AKAP12: variants seen among roughly 807,000 people sequenced by gnomAD.
AKAP12 encodes A-kinase anchor protein 12.
A neutral mutation model predicts 79.9 loss-of-function variants in AKAP12; 32 were observed. The observed-to-expected ratio is 0.40, with a 90% CI of 0.30 to 0.54. The LOEUF (loss-of-function observed/expected upper bound fraction) is 0.54. Among genes scored for constraint, AKAP12 ranks in the 20% least tolerant of loss-of-function variants. The pLI, the probability that AKAP12 is intolerant of heterozygous loss-of-function variation, is 0.48. For missense variants in AKAP12, 2,074 were observed against 2,177.0 expected (o/e 0.95, Z 0.94); for synonymous variants, 808 against 857.0 (o/e 0.94, Z 1.00).
In AKAP12 at chr6:151,358,099, C is replaced by CCAA. The variant is rs1778487067; in HGVS notation, c.*2388_*2390dup. On this transcript the variant is annotated 3_prime_UTR_variant, in exon 5 of 5. Transcript: ENST00000402676. ...GAACATTATTTTAACAAGAAGAACA[C>CCAA]CAACAGTAGCATGAAATATAATACT... 1 of 152,154 alleles carries CCAA rather than the reference C, an allele frequency of 6.6e-6. No individual in the cohort carries two copies. Among genetic ancestry groups the CCAA allele is most frequent in the Admixed American group, 6.6e-5 (1 of 15,260 alleles). The allele number at this position is 152,154 out of a possible 1,614,324, so 9.4% of individuals were successfully genotyped here. A position where few individuals can be genotyped will look rare whatever the true frequency, so the allele number is the denominator to read the frequency against.
intron 2 of AKAP12, among the ~76,000 whole-genome samples, chr6:151,247,844 G>A (rs1043271953): frequency 6.6e-6 from 1 of 152,166 alleles, no homozygotes; most frequent in African/African-American, 2.4e-5. Context: ...TCAAAGCACA[G>A]GAAACCATCT....
intron 2 of AKAP12, among the ~76,000 whole-genome samples, chr6:151,287,285 G>A (rs1294920762): frequency 1.4e-5 from 2 of 145,936 alleles, no homozygotes; most frequent in East Asian, 2.1e-4. Flanking sequence ...TCTGAGACGG[G>A]GTGTTGCTCT....
intron 2 of AKAP12, among the ~76,000 whole-genome samples, chr6:151,245,655 T>TAAAAA (rs1244983886): frequency 2.7e-5 from 1 of 36,940 alleles, no homozygotes; most frequent in Non-Finnish European, 6.5e-5. Context: ...AGACTCCGTC[T>TAAAAA]CAAAAAAAAA....
intron 2 of AKAP12, among the ~76,000 whole-genome samples, chr6:151,284,328 A>G (rs1776460245): frequency 6.6e-6 from 1 of 152,160 alleles, no homozygotes; most frequent in South Asian, 2.1e-4. Context: ...CTGACATGAG[A>G]TAAATAAGAA....
At chr6:151,343,191 G>A (rs1378776262) in intron 3 of AKAP12, among the ~76,000 whole-genome samples, 1 of 152,134 alleles carries the variant, frequency 6.6e-6, no homozygotes, top group Non-Finnish European at 1.5e-5. Flanking sequence ...AGATTTAAGA[G>A]TGGAGGGAAA....
At position 151,267,990 on chromosome 6, in the gene AKAP12, T is replaced by C. The variant is rs138480433; in HGVS notation, c.162+27266T>C. Among the ~76,000 whole-genome samples, 423 of 152,310 alleles carry C rather than the reference T, an allele frequency of 2.8e-3. 5 individuals are homozygous for C. Among genetic ancestry groups the C allele is most frequent in the African/African-American group, 9.6e-3 (400 of 41,576 alleles). On this transcript the variant is annotated intron_variant, in intron 2 of 4. Transcript: ENST00000402676. ...CCCTCTTCAGTTGCCCTGACTCCTA[T>C]GCATGCTCCTTGAGTGTCACCTTCC... is the stretch of plus-strand genomic sequence containing the variant.
intron 2 of AKAP12, among the ~76,000 whole-genome samples, chr6:151,261,509 C>T (rs566539488): frequency 6.6e-6 from 1 of 151,742 alleles, no homozygotes; most frequent in African/African-American, 2.4e-5. Context: ...AAAAATACAA[C>T]CCGTCTCTAA....
At chr6:151,271,271 A>C (rs1408876999) in intron 2 of AKAP12, among the ~76,000 whole-genome samples, 1 of 151,896 alleles carries the variant, frequency 6.6e-6, no homozygotes. Flanking sequence ...TCTCCTGGGA[A>C]TATATCCCTA....
intron 3 of AKAP12, among the ~76,000 whole-genome samples, chr6:151,343,667 C>T (rs1778006590): frequency 6.6e-6 from 1 of 152,012 alleles, no homozygotes; most frequent in African/African-American, 2.4e-5. Context: ...ACCTGTAATC[C>T]CAGCTACTTG....
At chr6:151,243,156 C>T (rs1472126437) in intron 2 of AKAP12, among the ~76,000 whole-genome samples, 2 of 152,158 alleles carry the variant, frequency 1.3e-5, no homozygotes, top group South Asian at 2.1e-4. Context: ...CTTAAATAGA[C>T]AAATATATGA....
intron 2 of AKAP12, among the ~76,000 whole-genome samples, chr6:151,267,676 T>C (rs1027881189): frequency 1.1e-4 from 16 of 152,244 alleles, no homozygotes; most frequent in Non-Finnish European, 2.1e-4. Flanking sequence ...TCTATAGTTA[T>C]TATTTACCAT....
chr6:151,259,629 A>G (rs773147469), intron 2 of AKAP12, among the ~76,000 whole-genome samples: 2 of 133,852 alleles, frequency 1.5e-5, no homozygotes, highest in Non-Finnish European at 1.5e-5. Flanking sequence ...CCCAGGCTGG[A>G]GTGCAGTGGC....
Position 151,349,676 on chromosome 6 carries a change from G to A in AKAP12, c.1285G>A (p.Glu429Lys), listed in dbSNP as rs781320285. ...CGTCAGCACCGTGGAGGAGAGAACC[G>A]AAGAGCAGAAAACGGAGGTGGAAGA... ...VHVSTVEERT[E>K]EQKTEVEETA... is the part of the protein sequence containing the mutation. The change falls in exon 4 of 5, where the codon GAA becomes AAA. Residue 429 changes from glutamate (E) to lysine (K), a missense_variant. Transcript: ENST00000402676. The A allele has an allele frequency of 1.1e-5, 18 of 1,613,998 alleles. No individual in the cohort carries two copies. The highest frequency in any genetic ancestry group is 1.7e-5 in the Admixed American group (1 of 59,992).
chr6:151,255,347 A>G (rs570740909), intron 2 of AKAP12, among the ~76,000 whole-genome samples: 164 of 152,078 alleles, frequency 1.1e-3, no homozygotes, highest in African/African-American at 3.9e-3. Flanking sequence ...TATTTTTAGT[A>G]GAGACGAGGC....
At chr6:151,324,666 G>A in intron 3 of AKAP12, 3 of 984,346 alleles carry the variant, frequency 3.0e-6, no homozygotes, top group Non-Finnish European at 3.6e-6. Flanking sequence ...AATGGGTCAG[G>A]CAGGCAAGGC....
rs745635711 is a variant in AKAP12 at position 151,349,617 on chromosome 6, A to G, written c.1226A>G (p.Glu409Gly). The G allele has an allele frequency of 3.7e-6, 6 of 1,610,954 alleles. No homozygotes were observed. The African/African-American group carries it at 6.7e-5, about 18-fold the overall frequency. The change falls in exon 4 of 5, where the codon GAA (glutamate) becomes GGA (glycine). Residue 409 changes from glutamate to glycine, a missense_variant. By Grantham distance (98) the Glu-to-Gly change is moderately conservative (BLOSUM62 -2). This residue lies in a region of AKAP12 where 1,428 missense variants were observed against 1,451.0 expected (regional missense o/e 0.98). Transcript: ENST00000402676. Reference sequence around the variant, plus strand: ...ACAGAAGTGTTTGATGAGAAAATAGAAGTCCACCAAGAAGAGGTTGTGGCC... The same window carrying G: ...ACAGAAGTGTTTGATGAGAAAATAGGAGTCCACCAAGAAGAGGTTGTGGCC... ...LATEVFDEKI[E>G]VHQEEVVAEV...
At chr6:151,311,661 CA>C (rs1777106833) in intron 3 of AKAP12, among the ~76,000 whole-genome samples, 1 of 152,156 alleles carries the variant, frequency 6.6e-6, no homozygotes, top group Non-Finnish European at 1.5e-5. Flanking sequence ...GTAACAAATA[CA>C]ACACTTTAGA....
Position 151,353,556 on chromosome 6 carries a change from G to T in AKAP12, c.5165G>T (p.Gly1722Val). The T allele has an allele frequency of 6.2e-7, 1 of 1,614,126 alleles. No homozygotes were observed. Among genetic ancestry groups the T allele is most frequent in the East Asian group, 2.2e-5 (1 of 44,884 alleles). Residue 1722 changes from glycine (G) to valine (V), a missense_variant, in exon 4 of 5, where the codon GGC becomes GTC. Coordinates refer to ENST00000402676, the MANE Select transcript of AKAP12 (RefSeq NM_005100.4). ...CTGGCTGATACTGATGCCTCAGGAG[G>T]CTTAACCAAAGAGTCCCCAGATACA... ...SALADTDASGGLTKESPDTNG... is the reference protein window; with the variant it reads ...SALADTDASGVLTKESPDTNG...
chr6:151,278,390 G>C (rs1289133891), intron 2 of AKAP12, among the ~76,000 whole-genome samples: 1 of 151,586 alleles, frequency 6.6e-6, no homozygotes, highest in Non-Finnish European at 1.5e-5. Flanking sequence ...TAATTTTTGT[G>C]TCTTTAGTAG....
Sources: gnomAD v4.1 joint callset for allele counts (sites outside exome capture counted in the v4.1 genomes callset) on GRCh38, gnomAD v4.1.1 for gene constraint, gnomAD v4.1.1 regional missense constraint, MANE v1.5 for transcripts, NCBI Gene and HGNC (gene_info 2026-07-23, HGNC 2026-07-21) for gene names.